The following HTR2B variants were observed in gnomAD, a reference collection of about 807,000 sequenced individuals.
HTR2B encodes 5-HT 2B receptor.
HTR2B carries 31 observed loss-of-function variants against 39.8 expected under a neutral mutation model. The observed-to-expected ratio is 0.78, with a 90% CI of 0.58 to 1.05. The LOEUF (loss-of-function observed/expected upper bound fraction) is 1.05, where lower values mean the gene tolerates loss of function less well. Among genes scored for constraint, HTR2B ranks in the 50% least tolerant of loss-of-function variants. The pLI, the probability that HTR2B is intolerant of heterozygous loss-of-function variation, is 0.00. For missense variants in HTR2B, 562 were observed against 578.0 expected (o/e 0.97, Z 0.28); for synonymous variants, 210 against 207.1 (o/e 1.01, Z -0.12).
At position 231,108,325 on chromosome 2, in the gene HTR2B, T is replaced by C; in HGVS notation, c.*192A>G. On this transcript the variant is annotated 3_prime_UTR_variant, in exon 4 of 4. Transcript: ENST00000258400. ...GCTGGATTGTTTTCATTTGTAGCTA[T>C]ATAAAATTATTTTCCTCATGGAATA... 1 of 549,142 alleles carries C rather than the reference T, an allele frequency of 1.8e-6. No individual in the cohort carries two copies. The highest frequency in any genetic ancestry group is 3.0e-5 in the East Asian group (1 of 33,214). The allele number at this position is 549,142 out of a possible 1,614,324, so 34.0% of individuals were successfully genotyped here.
In HTR2B at chr2:231,123,476, C is replaced by T. The variant is rs1383781050; in HGVS notation, c.289G>A (p.Ala97Thr). The part of the protein sequence containing the change: ...YATNYFLMSL[A>T]VADLLVGLFV... The stretch of plus-strand genomic sequence containing the variant: ...AATCCAACCAGCAAATCAGCCACCG[C>T]CAAGGACATTAGAAAGTAATTAGTA... Residue 97 changes from alanine to threonine, a missense_variant, in exon 2 of 4, where the codon GCG becomes ACG. Physicochemically the swap from Ala to Thr is moderately conservative, Grantham distance 58. Transcript: ENST00000258400. 5.0e-6 allele frequency: 8 copies of T among 1,614,014 alleles called. No homozygotes were observed. The highest frequency in any genetic ancestry group is 6.8e-6 in the Non-Finnish European group (8 of 1,179,936).
Position 231,109,120 on chromosome 2 carries a change from C to T in HTR2B, c.843G>A (p.Val281=), listed in dbSNP as rs555450754. 1 of 1,614,100 alleles carries T rather than the reference C, an allele frequency of 6.2e-7. No individual in the cohort carries two copies. Among genetic ancestry groups the T allele is most frequent in the South Asian group, 1.1e-5 (1 of 91,082 alleles). Residue 281 remains valine, a synonymous_variant, in exon 4 of 4, where the codon GTG becomes GTA. Transcript: ENST00000258400. Reference sequence around the variant, plus strand: ...CCTTTCGAGAACCATCCAGCATTGCCACCTTTTCCGGTGACGAGCAAGGTG... The same window carrying T: ...CCTTTCGAGAACCATCCAGCATTGCTACCTTTTCCGGTGACGAGCAAGGTG... ...DETPCSSPEK[V]AMLDGSRKDK...
Position 231,108,472 on chromosome 2 carries a change from C to T in HTR2B, c.*45G>A. 7.1e-7 allele frequency: 1 copy of T among 1,403,470 alleles called. No individual in the cohort carries two copies. The highest frequency in any genetic ancestry group is 1.0e-6 in the Non-Finnish European group (1 of 991,758). The allele number at this position is 1,403,470 out of a possible 1,614,324, so 86.9% of individuals were successfully genotyped here. A position where few individuals can be genotyped will look rare whatever the true frequency, so the allele number is the denominator to read the frequency against. On this transcript the variant is annotated 3_prime_UTR_variant, in exon 4 of 4. Coordinates refer to ENST00000258400, the MANE Select transcript of HTR2B (RefSeq NM_000867.5). ...ATTCTTGGCACATTTACATCTCATT[C>T]ATCATCTTACTCATCATTATGTTTG...
Position 231,123,896 on chromosome 2 carries a change from TAA to T in HTR2B, c.-134_-133del. 3.5e-6 allele frequency: 2 copies of T among 564,836 alleles called. No homozygotes were observed. The highest frequency in any genetic ancestry group is 6.4e-6 in the Non-Finnish European group (2 of 312,040). 35.0% of individuals were successfully genotyped at this position (564,836 alleles called of 1,614,324 possible). A position where few individuals can be genotyped will look rare whatever the true frequency, so the allele number is the denominator to read the frequency against. On this transcript the variant is annotated 5_prime_UTR_variant, in exon 2 of 4. An upstream open reading frame in the 5' UTR loses its in-frame stop. Coordinates refer to ENST00000258400, the MANE Select transcript of HTR2B (RefSeq NM_000867.5). Reference sequence around the variant, plus strand: ...AAAAGCCAAAGTTGACACCTTCCTTTAAAAAAAAAAATTCAAGTTCTCTAAAA... The same window carrying T: ...AAAAGCCAAAGTTGACACCTTCCTTTAAAAAAAAATTCAAGTTCTCTAAAA...
intron 2 of HTR2B, among the ~76,000 whole-genome samples, chr2:231,117,850 G>A (rs148339949): frequency 5.9e-4 from 90 of 152,236 alleles, no homozygotes; most frequent in African/African-American, 2.0e-3. Context: ...AGAATACTGA[G>A]TTCTAACTTG....
chr2:231,120,377 G>C (rs185272445), intron 2 of HTR2B, among the ~76,000 whole-genome samples: 1 of 152,146 alleles, frequency 6.6e-6, no homozygotes, highest in Non-Finnish European at 1.5e-5. Flanking sequence ...TATTTCTAAC[G>C]TAGGTATTTT....
intron 2 of HTR2B, among the ~76,000 whole-genome samples, chr2:231,116,310 G>T (rs1210622574): frequency 1.3e-5 from 2 of 152,122 alleles, no homozygotes; most frequent in African/African-American, 4.8e-5. Flanking sequence ...AAGTAGGGTG[G>T]TAGGAAAATA....
intron 2 of HTR2B, among the ~76,000 whole-genome samples, chr2:231,116,259 TG>T (rs1266363701): frequency 6.6e-6 from 1 of 152,144 alleles, no homozygotes; most frequent in Non-Finnish European, 1.5e-5. Context: ...CTACTAAAAA[TG>T]AGGGTACATC....
chr2:231,117,824 A>G (rs1436636393), intron 2 of HTR2B, among the ~76,000 whole-genome samples: 2 of 152,160 alleles, frequency 1.3e-5, no homozygotes, highest in African/African-American at 4.8e-5. Context: ...AATATGAAAT[A>G]TAACTTTAAC....
At chr2:231,110,193 G>A (rs905641163) in intron 3 of HTR2B, among the ~76,000 whole-genome samples, 1 of 151,992 alleles carries the variant, frequency 6.6e-6, no homozygotes, top group East Asian at 1.9e-4. Flanking sequence ...GGTGGCACGC[G>A]CCTGTACTCC....
At chr2:231,110,674 C>G (rs1695128068) in intron 3 of HTR2B, among the ~76,000 whole-genome samples, 1 of 152,210 alleles carries the variant, frequency 6.6e-6, no homozygotes, top group Non-Finnish European at 1.5e-5. Flanking sequence ...CTCATGTACA[C>G]CACCAGAAAG....
rs775856573 is a variant in HTR2B at position 231,108,699 on chromosome 2, C to T, written c.1264G>A (p.Ala422Thr). ...SSKIYFRNPM[A>T]ENSKFFKKHG... is the part of the protein sequence containing the mutation. The stretch of plus-strand genomic sequence containing the variant: ...TTCTTGAAAAACTTAGAGTTCTCTG[C>T]CATTGGATTCCGGAAGTAGATCTTA... The change falls in exon 4 of 4, where the codon GCA becomes ACA. Residue 422 changes from alanine (A) to threonine (T), a missense_variant. Physicochemically the swap from Ala to Thr is moderately conservative, Grantham distance 58 (BLOSUM62 0). Coordinates refer to ENST00000258400, the MANE Select transcript of HTR2B (RefSeq NM_000867.5). 3 of 1,614,104 alleles carry T rather than the reference C, an allele frequency of 1.9e-6. No homozygotes were observed. The highest frequency in any genetic ancestry group is 2.5e-6 in the Non-Finnish European group (3 of 1,180,016).
In HTR2B at chr2:231,108,454, G is replaced by A; in HGVS notation, c.*63C>T. 8.5e-7 allele frequency: 1 copy of A among 1,177,198 alleles called. No individual in the cohort carries two copies. The highest frequency in any genetic ancestry group is 1.3e-6 in the Non-Finnish European group (1 of 793,570). 72.9% of individuals were successfully genotyped at this position (1,177,198 alleles called of 1,614,324 possible). ...AAATTCTTTATATAATATATTCTTG[G>A]CACATTTACATCTCATTCATCATCT... is the stretch of plus-strand genomic sequence containing the variant. On this transcript the variant is annotated 3_prime_UTR_variant, in exon 4 of 4. Coordinates refer to ENST00000258400, the MANE Select transcript of HTR2B (RefSeq NM_000867.5).
At chr2:231,110,893 G>A (rs932952563) in intron 3 of HTR2B, among the ~76,000 whole-genome samples, 2 of 152,172 alleles carry the variant, frequency 1.3e-5, no homozygotes, top group African/African-American at 4.8e-5. Flanking sequence ...CAAAATATTT[G>A]CTGTCTTACC....
rs190989159 is a variant in HTR2B at position 231,119,826 on chromosome 2, T to C, written c.352+3587A>G. 2.1e-4 allele frequency among the ~76,000 whole-genome samples: 27 copies of C among 129,820 alleles called. 1 individual carries two copies. In the Admixed American group the frequency reaches 2.3e-3, roughly 11 times the overall value. The allele number at this position is 129,820 out of a possible 152,430, so 85.2% of individuals were successfully genotyped here. A position where few individuals can be genotyped will look rare whatever the true frequency, so the allele number is the denominator to read the frequency against. ...TGGAGGTTGCAGTGAACTGAGATCA[T>C]GCCACTGCCCTGCAGTCTGGGCAAC... On this transcript the variant is annotated intron_variant, in intron 2 of 3. Coordinates refer to ENST00000258400, the MANE Select transcript of HTR2B (RefSeq NM_000867.5).
At chr2:231,121,701 A>G (rs532538181) in intron 2 of HTR2B, among the ~76,000 whole-genome samples, 78 of 152,256 alleles carry the variant, frequency 5.1e-4, no homozygotes, top group African/African-American at 1.8e-3. Context: ...TTCCTTAACT[A>G]TTTAGCTGAT....
In HTR2B at chr2:231,109,189, G is replaced by T. The variant is rs768613505; in HGVS notation, c.774C>A (p.Arg258=). The change falls in exon 4 of 4, where the codon CGC becomes CGA. Residue 258 remains arginine, a synonymous_variant. Transcript: ENST00000258400. ...CTGTAGACACAGTCAACCATGTTAG[G>T]CGTTGAGGTGGCTTGTTTTTGACTA... The part of the protein sequence containing the change: ...AYLVKNKPPQ[R]LTWLTVSTVF... 1 of 1,614,180 alleles carries T rather than the reference G, an allele frequency of 6.2e-7. No individual in the cohort carries two copies. The highest frequency in any genetic ancestry group is 1.7e-5 in the Admixed American group (1 of 60,016).
intron 3 of HTR2B, among the ~76,000 whole-genome samples, chr2:231,111,053 C>T (rs1465199700): frequency 6.6e-6 from 1 of 152,174 alleles, no homozygotes; most frequent in East Asian, 1.9e-4. Flanking sequence ...CTGTTAACCT[C>T]CATGACATTT....
chr2:231,113,149 G>A lies in HTR2B; in HGVS notation c.553+580C>T, dbSNP rs541957819. On this transcript the variant is annotated intron_variant, in intron 3 of 3. Coordinates refer to ENST00000258400, the MANE Select transcript of HTR2B (RefSeq NM_000867.5). ...ATTGCACTCTAGCCTGGGTGACAGAGCAAGACCCTGTCTCCAAAAAAGAAA... is the reference window on the plus strand; with the variant it reads ...ATTGCACTCTAGCCTGGGTGACAGAACAAGACCCTGTCTCCAAAAAAGAAA... Among the ~76,000 whole-genome samples, 9 of 152,168 alleles carry A rather than the reference G, an allele frequency of 5.9e-5. No homozygotes were observed. The East Asian group carries it at 9.7e-4, about 16-fold the overall frequency.
Sources: allele counts gnomAD v4.1 joint callset (sites outside exome capture counted in the v4.1 genomes callset), GRCh38; gene constraint gnomAD v4.1.1; transcripts MANE v1.5; gene names NCBI Gene and HGNC (gene_info 2026-07-23, HGNC 2026-07-21).